IDO2: variants seen among roughly 807,000 people sequenced by gnomAD.
IDO2 encodes the protein indoleamine 2,3-dioxygenase 2.
In IDO2, 46 loss-of-function variants were observed where a neutral mutation model predicts 45.1. The observed-to-expected ratio is 1.02, with a 90% CI of 0.80 to 1.30. The LOEUF (loss-of-function observed/expected upper bound fraction) is 1.30, where lower values mean the gene tolerates loss of function less well. Among genes scored for constraint, IDO2 ranks in the 50% most tolerant of loss-of-function variants. The pLI is 0.00. For synonymous variants in IDO2, 218 were observed against 184.9 expected (o/e 1.18, Z -1.45); for missense variants, 544 against 491.8 (o/e 1.11, Z -1.00).
intron 2 of IDO2, among the ~76,000 whole-genome samples, chr8:39,952,354 A>T (rs1199281418): frequency 6.6e-6 from 1 of 152,228 alleles, no homozygotes; most frequent in Admixed American, 6.5e-5. Flanking sequence ...TTCCTTCAGT[A>T]TCTCTTTTAG....
At chr8:39,990,836 G>A (rs1339447554) in intron 8 of IDO2, among the ~76,000 whole-genome samples, 3 of 152,138 alleles carry the variant, frequency 2.0e-5, no homozygotes, top group African/African-American at 7.2e-5. Flanking sequence ...TTCCTGGACC[G>A]GTTACATCTT....
intron 9 of IDO2, among the ~76,000 whole-genome samples, chr8:40,010,828 G>T (rs1802299657): frequency 6.6e-6 from 1 of 152,208 alleles, no homozygotes; most frequent in Admixed American, 6.5e-5. Flanking sequence ...TAGGCAGTTG[G>T]ATGTATGGGT....
intron 2 of IDO2, among the ~76,000 whole-genome samples, chr8:39,952,358 C>T (rs1221001656): frequency 6.6e-6 from 1 of 152,208 alleles, no homozygotes; most frequent in East Asian, 1.9e-4. Flanking sequence ...TTCAGTATCT[C>T]TTTTAGATGA....
intron 3 of IDO2, among the ~76,000 whole-genome samples, chr8:39,967,765 G>A (rs1348085521): frequency 6.6e-6 from 1 of 152,198 alleles, no homozygotes; most frequent in Non-Finnish European, 1.5e-5. Context: ...TGGGATTACA[G>A]GCGTGAGCCA....
intron 3 of IDO2, among the ~76,000 whole-genome samples, chr8:39,978,505 G>C (rs1445141225): frequency 6.6e-6 from 1 of 152,060 alleles, no homozygotes; most frequent in Non-Finnish European, 1.5e-5. Flanking sequence ...GTGATGCTGT[G>C]TCTTCCCCAT....
chr8:39,950,906 A>G (rs7013824), intron 2 of IDO2, among the ~76,000 whole-genome samples: 59,005 of 152,052 alleles, frequency 0.39, 11,677 homozygotes, highest in East Asian at 0.59. Context: ...TTGGACAGCC[A>G]CTAATAGTGG....
chr8:40,011,489 C>G (rs2981155), intron 9 of IDO2, among the ~76,000 whole-genome samples: 123,590 of 152,246 alleles, frequency 0.81, 50,278 homozygotes, highest in Admixed American at 0.87. Context: ...AGACTAGGGT[C>G]TTAACATTGG....
chr8:40,004,813 CTAAACATGAAGCTAAGT>C (rs1802195488), intron 8 of IDO2, among the ~76,000 whole-genome samples: 1 of 152,198 alleles, frequency 6.6e-6, no homozygotes, highest in Non-Finnish European at 1.5e-5. Context: ...ATGAAGGTAG[CTAAACATGAAGCTAAGT>C]GAACCTGTCT....
At chr8:40,000,998 A>C (rs1161627967) in intron 8 of IDO2, among the ~76,000 whole-genome samples, 1 of 152,058 alleles carries the variant, frequency 6.6e-6, no homozygotes, top group Non-Finnish European at 1.5e-5. Flanking sequence ...ATTTTTAAAA[A>C]ATTATTTTTA....
chr8:39,962,745 A>G (rs1808018759), intron 2 of IDO2, among the ~76,000 whole-genome samples: 4 of 152,234 alleles, frequency 2.6e-5, no homozygotes, highest in Non-Finnish European at 5.9e-5. Flanking sequence ...AGCATAAGGC[A>G]TGAATTCCTG....
intron 3 of IDO2, among the ~76,000 whole-genome samples, chr8:39,975,032 C>T (rs1808237418): frequency 1.3e-5 from 2 of 152,020 alleles, no homozygotes; most frequent in African/African-American, 4.8e-5. Flanking sequence ...TCACTTGAAC[C>T]CAGGAGGCAG....
chr8:39,936,318 C>T (rs1313302074), intron 1 of IDO2, among the ~76,000 whole-genome samples: 1 of 152,128 alleles, frequency 6.6e-6, no homozygotes, highest in Non-Finnish European at 1.5e-5. Flanking sequence ...TAATTCAAGT[C>T]ATTGCAAAAT....
chr8:39,951,293 T>TTTTTTTTA (rs1807811447), intron 2 of IDO2, among the ~76,000 whole-genome samples: 1 of 146,260 alleles, frequency 6.8e-6, no homozygotes. Flanking sequence ...TTTTTTTTTC[T>TTTTTTTTA]GAGATAGAAT....
rs538775465 is a variant in IDO2 at position 39,975,636 on chromosome 8, T to C, written c.196-3431T>C. Among the ~76,000 whole-genome samples, 123 of 152,280 alleles carry C rather than the reference T, an allele frequency of 8.1e-4. 1 individual carries two copies. The Middle Eastern group carries it at 0.017, about 21-fold the overall frequency. The stretch of plus-strand genomic sequence containing the variant: ...GCTTAAAGTCTGGCATGAACAGGTA[T>C]TGGCAGGAATATAAAACACCTGAAT... On this transcript the variant is annotated intron_variant, in intron 3 of 10. Coordinates refer to ENST00000502986, the Ensembl canonical transcript of IDO2.
intron 3 of IDO2, among the ~76,000 whole-genome samples, chr8:39,977,255 G>C (rs1368085832): frequency 1.3e-5 from 2 of 152,182 alleles, no homozygotes; most frequent in African/African-American, 4.8e-5. Context: ...AGGCAAAAAT[G>C]CTCAATCTCA....
chr8:39,995,269 T>TCTC (rs1802022606), intron 8 of IDO2: 5 of 68,274 alleles, frequency 7.3e-5, no homozygotes, highest in South Asian at 5.6e-4. Flanking sequence ...TTCTTCCTCT[T>TCTC]CTTCTTCTTC....
At chr8:39,994,538 T>C (rs1323705876) in intron 8 of IDO2, among the ~76,000 whole-genome samples, 1 of 152,166 alleles carries the variant, frequency 6.6e-6, no homozygotes, top group Non-Finnish European at 1.5e-5. Context: ...ATTACAGGCA[T>C]GAGCCACCGC....
At chr8:39,996,724 T>G (rs186180030) in intron 8 of IDO2, among the ~76,000 whole-genome samples, 292 of 152,288 alleles carry the variant, frequency 1.9e-3, no homozygotes, top group Non-Finnish European at 3.5e-3. Flanking sequence ...CAGCCTAAAA[T>G]TCTTCTGAAG....
chr8:39,969,345 C>A (rs1021562657), intron 3 of IDO2, among the ~76,000 whole-genome samples: 1 of 152,086 alleles, frequency 6.6e-6, no homozygotes, highest in African/African-American at 2.4e-5. Flanking sequence ...TTTAATGTTA[C>A]TATCATAATC....
Sources: gnomAD v4.1 joint callset for allele counts (sites outside exome capture counted in the v4.1 genomes callset) on GRCh38, gnomAD v4.1.1 for gene constraint, MANE v1.5 for transcripts, NCBI Gene and HGNC (gene_info 2026-07-23, HGNC 2026-07-21) for gene names.